WDR19: variants seen among roughly 807,000 people sequenced by gnomAD.
WDR19 encodes the protein WD repeat-containing protein 19.
Under a neutral mutation model 180.0 loss-of-function variants are expected in WDR19, and 121 were observed. The ratio of observed to expected loss-of-function variants is 0.67; its 90% CI spans 0.58 to 0.78. The LOEUF is 0.78. WDR19 is among the 30% of genes least tolerant of loss of function. The pLI is 0.00. For missense variants in WDR19, 1,450 were observed against 1,640.7 expected (o/e 0.88, Z 2.01); for synonymous variants, 497 against 540.7 (o/e 0.92, Z 1.12).
intron 4 of WDR19, among the ~76,000 whole-genome samples, chr4:39,192,716 C>T (rs1340498353): frequency 1.3e-5 from 2 of 152,164 alleles, no homozygotes; most frequent in African/African-American, 4.8e-5. Context: ...CCCACCTGAG[C>T]CTCCCAAAGT....
chr4:39,257,352 C>T (rs565746748), intron 27 of WDR19, 134 bp from the exon 28 acceptor site: 489 of 821,604 alleles, frequency 6.0e-4, no homozygotes, highest in Middle Eastern at 1.4e-3. Context: ...GATCCAACAC[C>T]ATGCAAGCCC....
intron 9 of WDR19, among the ~76,000 whole-genome samples, chr4:39,208,180 C>A (rs1409009497): frequency 1.3e-5 from 2 of 151,172 alleles, no homozygotes; most frequent in African/African-American, 4.9e-5. Context: ...AGGAAAGAAA[C>A]AGGAATAAAA....
chr4:39,283,772 T>G (rs1184279024), intron 36 of WDR19, among the ~76,000 whole-genome samples: 1 of 152,204 alleles, frequency 6.6e-6, no homozygotes, highest in East Asian at 1.9e-4. Flanking sequence ...GAATCCAAGT[T>G]TCCATATGGT....
At chr4:39,207,684 G>A (rs533606660) in intron 9 of WDR19, among the ~76,000 whole-genome samples, 100 of 152,236 alleles carry the variant, frequency 6.6e-4, no homozygotes, top group Non-Finnish European at 1.3e-3. Flanking sequence ...TGAAATAAAA[G>A]CATTTTTAGA....
intron 14 of WDR19, among the ~76,000 whole-genome samples, chr4:39,220,560 A>ATTTT (rs142037096): frequency 0.012 from 773 of 64,368 alleles, 110 homozygotes; most frequent in African/African-American, 0.026. Context: ...GACCTCCTTG[A>ATTTT]TTTTTTTTTT....
chr4:39,279,193 C>T (rs1736211260), intron 36 of WDR19, among the ~76,000 whole-genome samples: 1 of 152,190 alleles, frequency 6.6e-6, no homozygotes, highest in Admixed American at 6.5e-5. Context: ...AAAAGCCGTG[C>T]CAAAACTCAG....
intron 9 of WDR19, among the ~76,000 whole-genome samples, chr4:39,209,292 G>C (rs1728257661): frequency 6.6e-6 from 1 of 151,936 alleles, no homozygotes; most frequent in African/African-American, 2.4e-5. Flanking sequence ...ACATAGAACT[G>C]AATGAAAATG....
At chr4:39,278,790 A>T in intron 36 of WDR19, 127 bp downstream of exon 36, 1 of 474,042 alleles carries the variant, frequency 2.1e-6, no homozygotes, top group Non-Finnish European at 3.7e-6. Flanking sequence ...GAACAATCTG[A>T]CAACCACCTT....
At chr4:39,267,249 A>G (rs919007669) in intron 29 of WDR19, among the ~76,000 whole-genome samples, 1 of 152,070 alleles carries the variant, frequency 6.6e-6, no homozygotes, top group African/African-American at 2.4e-5. Flanking sequence ...GTTCAAGGAG[A>G]TTTGCTGGTG....
At chr4:39,193,178 T>C (rs1726346597) in intron 4 of WDR19, among the ~76,000 whole-genome samples, 1 of 151,688 alleles carries the variant, frequency 6.6e-6, no homozygotes, top group Non-Finnish European at 1.5e-5. Flanking sequence ...TTTTTTTTTT[T>C]TGAGACAGAG....
chr4:39,250,832 A>C (rs1325142934), intron 24 of WDR19, among the ~76,000 whole-genome samples: 1 of 152,226 alleles, frequency 6.6e-6, no homozygotes. Flanking sequence ...GGAGAACTAC[A>C]AACCACTGCT....
At chr4:39,240,495 TA>T in intron 21 of WDR19, among the ~76,000 whole-genome samples, 161 bp downstream of exon 21, 1 of 152,196 alleles carries the variant, frequency 6.6e-6, no homozygotes. Context: ...TAAATCCTTT[TA>T]AAACACTTCA....
intron 36 of WDR19, among the ~76,000 whole-genome samples, chr4:39,281,236 T>TATATATAGAGAG (rs762298152): frequency 1.0e-3 from 109 of 104,018 alleles, no homozygotes; most frequent in African/African-American, 4.9e-3. Flanking sequence ...TATATATATA[T>TATATATAGAGAG]AGAGAGAGAG....
intron 36 of WDR19, among the ~76,000 whole-genome samples, chr4:39,279,939 G>A (rs1335229935): frequency 6.6e-6 from 1 of 151,866 alleles, no homozygotes; most frequent in Non-Finnish European, 1.5e-5. Context: ...CTGACTTCAT[G>A]CGATTCGCCG....
intron 17 of WDR19, among the ~76,000 whole-genome samples, chr4:39,231,083 G>A (rs1354423430): frequency 2.0e-5 from 3 of 151,784 alleles, no homozygotes; most frequent in Admixed American, 6.6e-5. Flanking sequence ...AGGCCGAGGC[G>A]GGCGGATCAT....
At chr4:39,278,915 G>A (rs1220705577) in intron 36 of WDR19, among the ~76,000 whole-genome samples, 16 of 152,056 alleles carry the variant, frequency 1.1e-4, no homozygotes, top group Admixed American at 1.0e-3. Context: ...ATCTCACAGG[G>A]GTCTTTTTAA....
intron 3 of WDR19, 125 bp downstream of exon 3, chr4:39,186,729 T>G (rs1382791881): frequency 1.6e-6 from 1 of 644,288 alleles, no homozygotes; most frequent in Admixed American, 3.6e-5. Context: ...AGGGATTTGT[T>G]TTTTTAGCCA....
At chr4:39,231,089 A>T (rs1223577151) in intron 17 of WDR19, among the ~76,000 whole-genome samples, 2 of 151,936 alleles carry the variant, frequency 1.3e-5, no homozygotes, top group African/African-American at 2.4e-5. Context: ...AGGCGGGCGG[A>T]TCATGAGGTC....
At position 39,239,432 on chromosome 4, in the gene WDR19, G is replaced by C. The variant is rs756859589; in HGVS notation, c.2364-845G>C. Among the ~76,000 whole-genome samples the C allele has an allele frequency of 2.2e-5, 3 of 137,334 alleles. No individual in the cohort carries two copies. In the East Asian group the frequency reaches 6.0e-4, roughly 27 times the overall value. 90.1% of individuals were successfully genotyped at this position (137,334 alleles called of 152,430 possible). On this transcript the variant is annotated intron_variant, in intron 20 of 36. Coordinates refer to ENST00000399820, the MANE Select transcript of WDR19 (RefSeq NM_025132.4). ...CAATATATATTCTTGTAAATATTGG[G>C]CCTTTGGTTTAAAAAAAAAAAATGT... is the stretch of plus-strand genomic sequence containing the variant.
Sources: gnomAD v4.1 joint callset for allele counts (sites outside exome capture counted in the v4.1 genomes callset) on GRCh38, gnomAD v4.1.1 for gene constraint, MANE v1.5 for transcripts, NCBI Gene and HGNC (gene_info 2026-07-23, HGNC 2026-07-21) for gene names.